The following LAMC1 variants were observed in gnomAD, a reference collection of about 807,000 sequenced individuals.
The protein encoded by LAMC1 is laminin subunit gamma 1.
In LAMC1, 38 loss-of-function variants were observed where a neutral mutation model predicts 173.6. That is an observed-to-expected ratio of 0.22 (90% CI 0.17 to 0.29). The LOEUF is 0.29. Among genes scored for constraint, LAMC1 ranks in the 10% least tolerant of loss-of-function variants. The pLI, the probability that LAMC1 is intolerant of heterozygous loss-of-function variation, is 1.00. For missense variants in LAMC1, 1,824 were observed against 2,051.8 expected (o/e 0.89, Z 2.14); for synonymous variants, 746 against 749.1 (o/e 1.00, Z 0.07).
intron 1 of LAMC1, among the ~76,000 whole-genome samples, chr1:183,086,341 G>GT (rs1655426982): frequency 6.6e-6 from 1 of 152,210 alleles, no homozygotes; most frequent in Non-Finnish European, 1.5e-5. Context: ...TGGGAGTTCA[G>GT]TTTAGTTCCA....
At chr1:183,063,434 TGG>T (rs1284948747) in intron 1 of LAMC1, among the ~76,000 whole-genome samples, 2 of 152,234 alleles carry the variant, frequency 1.3e-5, no homozygotes, top group Non-Finnish European at 2.9e-5. Context: ...TGTAATGTAT[TGG>T]GTATACATAC....
intron 1 of LAMC1, among the ~76,000 whole-genome samples, chr1:183,089,471 A>C (rs1480120307): frequency 6.6e-6 from 1 of 152,226 alleles, no homozygotes; most frequent in African/African-American, 2.4e-5. Flanking sequence ...TGCTATATAC[A>C]TAATTTATAA....
intron 1 of LAMC1, among the ~76,000 whole-genome samples, chr1:183,093,962 C>A (rs1655629870): frequency 6.6e-6 from 1 of 152,276 alleles, no homozygotes; most frequent in South Asian, 2.1e-4. Flanking sequence ...ACCAGTCATC[C>A]TTTTGAAATG....
At chr1:183,078,581 C>CAA (rs34274029) in intron 1 of LAMC1, among the ~76,000 whole-genome samples, 6,853 of 131,980 alleles carry the variant, frequency 0.052, 295 homozygotes, top group African/African-American at 0.12. Flanking sequence ...GACTCCGTCT[C>CAA]AAAAAAAAAA....
chr1:183,038,367 T>C (rs570358992), intron 1 of LAMC1, among the ~76,000 whole-genome samples: 3 of 152,332 alleles, frequency 2.0e-5, no homozygotes, highest in Admixed American at 6.5e-5. Context: ...TTTCCTTTCT[T>C]ACAGGGAGAG....
rs1306995287 is a variant in LAMC1 at position 183,144,794 on chromosome 1, A to G, written c.*2004A>G. On this transcript the variant is annotated 3_prime_UTR_variant, in exon 28 of 28. Coordinates refer to ENST00000258341, the MANE Select transcript of LAMC1 (RefSeq NM_002293.4). ...TACATTTTGACTGAGCACTTAGGGC[A>G]TCAGGAACAGTGCTACTTACTGATG... 2.6e-5 allele frequency: 4 copies of G among 152,258 alleles called. No individual in the cohort carries two copies. The highest frequency in any genetic ancestry group is 2.0e-4 in the Admixed American group (3 of 15,280). 9.4% of individuals were successfully genotyped at this position (152,258 alleles called of 1,614,324 possible).
rs146885461 is a variant in LAMC1 at position 183,125,025 on chromosome 1, A to G, written c.2647+149A>G. 3.3e-4 allele frequency: 351 copies of G among 1,063,186 alleles called. 2 individuals are homozygous for G. The African/African-American group carries it at 5.3e-3, about 16-fold the overall frequency. 65.9% of individuals were successfully genotyped at this position (1,063,186 alleles called of 1,614,324 possible). ...TCTTTTAAAATTTTCTAGTCACCAC[A>G]TTAAAAAAGTATAAAGAAGGACAGT... On this transcript the variant is annotated intron_variant, in intron 14 of 27. Transcript: ENST00000258341.
intron 1 of LAMC1, among the ~76,000 whole-genome samples, chr1:183,087,645 T>C (rs1215489966): frequency 6.6e-6 from 1 of 152,148 alleles, no homozygotes; most frequent in Non-Finnish European, 1.5e-5. Context: ...AAGGAGTTCT[T>C]CTGGAAAGCC....
chr1:183,137,590 A>G (rs1656981182), intron 25 of LAMC1, 79 bp from the exon 26 acceptor site: 4 of 776,810 alleles, frequency 5.1e-6, no homozygotes, highest in Non-Finnish European at 7.6e-6. Flanking sequence ...GACATTTTAT[A>G]AATTATAAAA....
intron 1 of LAMC1, among the ~76,000 whole-genome samples, chr1:183,080,192 C>T (rs1272330827): frequency 3.3e-5 from 5 of 152,026 alleles, no homozygotes; most frequent in South Asian, 2.1e-4. Context: ...TGCAGTGAGC[C>T]GAGATTATGC....
In LAMC1 at chr1:183,130,490, C is replaced by A. The variant is rs550859849; in HGVS notation, c.3427C>A (p.Arg1143=). 1.2e-6 allele frequency: 2 copies of A among 1,614,134 alleles called. No individual in the cohort carries two copies. The highest frequency in any genetic ancestry group is 1.7e-6 in the Non-Finnish European group (2 of 1,180,020). The change falls in exon 19 of 28, where the codon CGG becomes AGG. Residue 1143 remains arginine, a synonymous_variant. Coordinates refer to ENST00000258341, the MANE Select transcript of LAMC1 (RefSeq NM_002293.4). ...GCGTGCCCATGTAGAGAACACAGAG[C>A]GGTTGATTGAAATCGCATCCAGAGA... ...QARAHVENTE[R]LIEIASRELE...
chr1:183,091,271 T>A (rs1414000704), intron 1 of LAMC1, among the ~76,000 whole-genome samples: 2 of 152,198 alleles, frequency 1.3e-5, no homozygotes, highest in Non-Finnish European at 1.5e-5. Flanking sequence ...AAACTTTTTC[T>A]GTGAGAGGCC....
At chr1:183,051,252 G>A (rs1431449686) in intron 1 of LAMC1, among the ~76,000 whole-genome samples, 2 of 152,180 alleles carry the variant, frequency 1.3e-5, no homozygotes, top group Non-Finnish European at 2.9e-5. Flanking sequence ...CTTAGCCTTT[G>A]AGAGGATGGG....
At chr1:183,045,067 C>T (rs1281747673) in intron 1 of LAMC1, among the ~76,000 whole-genome samples, 5 of 151,680 alleles carry the variant, frequency 3.3e-5, no homozygotes, top group African/African-American at 1.2e-4. Flanking sequence ...TCTGTTGTCA[C>T]CTAGGCTAAT....
At chr1:183,134,858 A>C (rs1307663625) in intron 23 of LAMC1, 49 bp downstream of exon 23, 43 of 1,564,794 alleles carry the variant, frequency 2.7e-5, no homozygotes, top group Non-Finnish European at 3.5e-5. Context: ...ACATTTGAAC[A>C]GTCCAAATGG....
intron 1 of LAMC1, among the ~76,000 whole-genome samples, chr1:183,042,763 A>G (rs933630528): frequency 6.6e-6 from 1 of 152,186 alleles, no homozygotes; most frequent in African/African-American, 2.4e-5. Context: ...CTGACTTTAC[A>G]GAATTGGTTT....
At chr1:183,043,721 T>C (rs1045189176) in intron 1 of LAMC1, among the ~76,000 whole-genome samples, 5 of 152,198 alleles carry the variant, frequency 3.3e-5, no homozygotes, top group African/African-American at 1.2e-4. Context: ...TTTCTATTCC[T>C]CTAGGGACAT....
intron 4 of LAMC1, 76 bp from the exon 5 acceptor site, chr1:183,114,455 T>C: frequency 7.2e-7 from 1 of 1,386,874 alleles, no homozygotes; most frequent in Non-Finnish European, 1.0e-6. Context: ...TGGGAAATTA[T>C]GTTTGGTTTT....
intron 1 of LAMC1, among the ~76,000 whole-genome samples, chr1:183,079,778 T>A (rs1655220291): frequency 1.3e-5 from 2 of 152,232 alleles, no homozygotes; most frequent in Admixed American, 1.3e-4. Flanking sequence ...AAATTCTGAA[T>A]TTGAAGAGCG....
Sources: gnomAD v4.1 joint callset for allele counts (sites outside exome capture counted in the v4.1 genomes callset) on GRCh38, gnomAD v4.1.1 for gene constraint, MANE v1.5 for transcripts, NCBI Gene and HGNC (gene_info 2026-07-23, HGNC 2026-07-21) for gene names.